The following ADGRB3 variants were observed in gnomAD, a reference collection of about 807,000 sequenced individuals.
ADGRB3 encodes the protein brain-specific angiogenesis inhibitor 3.
A neutral mutation model predicts 193.4 loss-of-function variants in ADGRB3; 37 were observed. The ratio of observed to expected loss-of-function variants is 0.19; its 90% confidence interval spans 0.15 to 0.25. ADGRB3 has a LOEUF of 0.25. Ranked by LOEUF, ADGRB3 falls within the 10% of genes least tolerant of loss-of-function variation. ADGRB3 has a pLI of 1.00. For synonymous variants in ADGRB3, 690 were observed against 644.2 expected (o/e 1.07, Z -1.08); for missense variants, 1,637 against 1,852.9 (o/e 0.88, Z 2.14).
At chr6:69,005,824 A>G (rs1326308415) in intron 11 of ADGRB3, among the ~76,000 whole-genome samples, 2 of 152,068 alleles carry the variant, frequency 1.3e-5, no homozygotes, top group African/African-American at 4.8e-5. Flanking sequence ...TTTGTCTTCC[A>G]GTTTTCCAGT....
At chr6:69,170,193 T>G (rs567460135) in intron 17 of ADGRB3, among the ~76,000 whole-genome samples, 116 of 152,272 alleles carry the variant, frequency 7.6e-4, no homozygotes, top group African/African-American at 2.7e-3. Context: ...TTTTCCAAAT[T>G]TTTATAATAA....
intron 5 of ADGRB3, among the ~76,000 whole-genome samples, chr6:68,940,242 G>T (rs996640483): frequency 7.2e-5 from 11 of 152,240 alleles, no homozygotes; most frequent in Non-Finnish European, 1.5e-5. Flanking sequence ...TGCCCTAGTT[G>T]AATTTTATGG....
intron 26 of ADGRB3, among the ~76,000 whole-genome samples, chr6:69,348,893 G>A (rs1487207523): frequency 6.6e-6 from 1 of 152,188 alleles, no homozygotes; most frequent in South Asian, 2.1e-4. Flanking sequence ...CTCAATTTCT[G>A]ACCAGTTGGA....
intron 3 of ADGRB3, among the ~76,000 whole-genome samples, chr6:68,846,646 G>T (rs1404497913): frequency 6.6e-6 from 1 of 152,238 alleles, no homozygotes; most frequent in Non-Finnish European, 1.5e-5. Context: ...TGAGCCTGCA[G>T]GGGCACAGAA....
intron 20 of ADGRB3, among the ~76,000 whole-genome samples, chr6:69,316,285 T>C (rs1768309649): frequency 6.6e-6 from 1 of 151,510 alleles, no homozygotes; most frequent in Admixed American, 6.6e-5. Context: ...AATAAAATAA[T>C]ATTTTTTCAA....
intron 17 of ADGRB3, among the ~76,000 whole-genome samples, chr6:69,180,839 G>C (rs1423177781): frequency 6.6e-6 from 1 of 152,182 alleles, no homozygotes; most frequent in Non-Finnish European, 1.5e-5. Context: ...TGCATGACCA[G>C]CCTGCTGGAT....
intron 29 of ADGRB3, among the ~76,000 whole-genome samples, chr6:69,368,864 G>C (rs1411447113): frequency 2.0e-5 from 3 of 152,096 alleles, no homozygotes; most frequent in East Asian, 3.9e-4. Context: ...ATGGAGTATT[G>C]AGAATAGAAT....
intron 8 of ADGRB3, among the ~76,000 whole-genome samples, chr6:68,958,621 G>A (rs1768143535): frequency 1.3e-5 from 2 of 151,602 alleles, no homozygotes; most frequent in South Asian, 2.1e-4. Flanking sequence ...CTTATTTGCC[G>A]GGCTTGTTTG....
intron 26 of ADGRB3, among the ~76,000 whole-genome samples, chr6:69,342,629 A>C (rs1024362097): frequency 7.9e-5 from 12 of 152,166 alleles, no homozygotes; most frequent in African/African-American, 2.9e-4. Flanking sequence ...CCATGGTCCA[A>C]GAGAAGAGAA....
At chr6:69,006,324 A>G (rs934576294) in intron 11 of ADGRB3, among the ~76,000 whole-genome samples, 2 of 150,286 alleles carry the variant, frequency 1.3e-5, no homozygotes, top group Non-Finnish European at 3.0e-5. Flanking sequence ...GCATCAGGGG[A>G]AAAAAAAACG....
chr6:68,846,165 T>C (rs892037577), intron 3 of ADGRB3, among the ~76,000 whole-genome samples: 1 of 152,128 alleles, frequency 6.6e-6, no homozygotes, highest in African/African-American at 2.4e-5. Context: ...TTGAAAGAGA[T>C]GATTTAGGGT....
intron 13 of ADGRB3, among the ~76,000 whole-genome samples, chr6:69,042,421 G>A (rs1771099336): frequency 1.3e-5 from 2 of 152,204 alleles, no homozygotes; most frequent in African/African-American, 4.8e-5. Flanking sequence ...ACTCATACAA[G>A]CGTTCAATAG....
chr6:68,850,827 T>G (rs1214834523), intron 3 of ADGRB3, among the ~76,000 whole-genome samples: 1 of 152,000 alleles, frequency 6.6e-6, no homozygotes, highest in Non-Finnish European at 1.5e-5. Flanking sequence ...TGATTTCTAG[T>G]CAAGTCAATT....
intron 17 of ADGRB3, among the ~76,000 whole-genome samples, chr6:69,174,535 T>C (rs1561942420): frequency 6.6e-6 from 1 of 152,244 alleles, no homozygotes; most frequent in African/African-American, 2.4e-5. Flanking sequence ...GTCTTTGCTA[T>C]TGTAAATAGT....
chr6:68,816,168 C>T (rs539398595), intron 3 of ADGRB3, among the ~76,000 whole-genome samples: 2 of 151,678 alleles, frequency 1.3e-5, no homozygotes, highest in South Asian at 2.1e-4. Flanking sequence ...AAATAAATTA[C>T]GTTTACTTTG....
At chr6:68,927,478 A>T (rs928320202) in intron 3 of ADGRB3, among the ~76,000 whole-genome samples, 1 of 152,148 alleles carries the variant, frequency 6.6e-6, no homozygotes, top group African/African-American at 2.4e-5. Context: ...TTAAAAGTGA[A>T]GAAGATAATG....
At position 69,040,362 on chromosome 6, in the gene ADGRB3, T is replaced by TTTCC. The variant is rs1562133218; in HGVS notation, c.2108-7820_2108-7819insCTTC. Among the ~76,000 whole-genome samples, 23 of 56,170 alleles carry TTTCC rather than the reference T, an allele frequency of 4.1e-4. No individual in the cohort carries two copies. In the East Asian group the frequency reaches 0.012, roughly 29 times the overall value. 36.8% of individuals were successfully genotyped at this position (56,170 alleles called of 152,430 possible). On this transcript the variant is annotated intron_variant, in intron 13 of 31. Transcript: ENST00000370598. ...CTTTCTTTCTTTCTTTCTTTCTTTC[T>TTTCC]TTCTTTCTTTCTTTCCTTCTCTCTC...
intron 18 of ADGRB3, among the ~76,000 whole-genome samples, chr6:69,234,678 G>T (rs1244487461): frequency 6.6e-6 from 1 of 152,080 alleles, no homozygotes; most frequent in Admixed American, 6.5e-5. Flanking sequence ...GTTAGTTAAA[G>T]AAAAATGAGT....
chr6:68,654,681 T>G (rs538892333), intron 3 of ADGRB3, among the ~76,000 whole-genome samples: 1 of 152,026 alleles, frequency 6.6e-6, no homozygotes, highest in South Asian at 2.1e-4. Flanking sequence ...TAATCATTTT[T>G]CAATAGTTTG....
Sources: gnomAD v4.1 joint callset for allele counts (sites outside exome capture counted in the v4.1 genomes callset) on GRCh38, gnomAD v4.1.1 for gene constraint, MANE v1.5 for transcripts, NCBI Gene and HGNC (gene_info 2026-07-23, HGNC 2026-07-21) for gene names.